OR9Q1: variants seen among roughly 807,000 people sequenced by gnomAD.
The protein encoded by OR9Q1 is olfactory receptor 9Q1.
For synonymous variants in OR9Q1, 153 were observed against 148.6 expected (o/e 1.03, Z -0.22); for missense variants, 374 against 378.8 (o/e 0.99, Z 0.11).
intron 1 of OR9Q1, among the ~76,000 whole-genome samples, chr11:58,054,139 T>C (rs910758065): frequency 1.3e-5 from 2 of 152,156 alleles, no homozygotes; most frequent in African/African-American, 4.8e-5. Context: ...TATACCTGAA[T>C]AAAGCTGAAA....
At chr11:58,037,231 A>G (rs1454935865) in intron 1 of OR9Q1, among the ~76,000 whole-genome samples, 1 of 152,180 alleles carries the variant, frequency 6.6e-6, no homozygotes, top group African/African-American at 2.4e-5. Flanking sequence ...GTATTTTTAA[A>G]ATTAAGGTAT....
At chr11:58,113,490 ACT>A (rs1202553528) in intron 2 of OR9Q1, among the ~76,000 whole-genome samples, 1 of 151,960 alleles carries the variant, frequency 6.6e-6, no homozygotes, top group Admixed American at 6.6e-5. Flanking sequence ...CCCTCATTGT[ACT>A]CTCTCTTCCT....
intron 2 of OR9Q1, among the ~76,000 whole-genome samples, chr11:58,060,379 G>A (rs1235669292): frequency 6.6e-6 from 1 of 152,168 alleles, no homozygotes; most frequent in Non-Finnish European, 1.5e-5. Context: ...AGAAACACAA[G>A]TAAAGCAAAA....
At chr11:58,132,558 T>C (rs1273096968) in intron 2 of OR9Q1, among the ~76,000 whole-genome samples, 1 of 152,176 alleles carries the variant, frequency 6.6e-6, no homozygotes, top group Admixed American at 6.5e-5. Context: ...TAATTAAATA[T>C]TAGCTGAATA....
At chr11:58,148,609 G>A (rs1854321537) in intron 2 of OR9Q1, among the ~76,000 whole-genome samples, 1 of 152,252 alleles carries the variant, frequency 6.6e-6, no homozygotes, top group East Asian at 1.9e-4. Flanking sequence ...TGGTGGCTAT[G>A]GGGCTAAAGG....
chr11:58,109,424 G>T (rs1452581213), intron 2 of OR9Q1: 1 of 459,598 alleles, frequency 2.2e-6, no homozygotes, highest in Non-Finnish European at 4.4e-6. Context: ...GCCAGAATCT[G>T]AGGGGTGATT....
intron 2 of OR9Q1, among the ~76,000 whole-genome samples, chr11:58,178,110 T>G (rs1025529448): frequency 8.5e-5 from 13 of 152,096 alleles, no homozygotes; most frequent in Admixed American, 8.5e-4. Flanking sequence ...GTATCAGGAT[T>G]TAGAAGCAAG....
chr11:58,146,801 G>A (rs1854303265), intron 2 of OR9Q1, among the ~76,000 whole-genome samples: 1 of 152,172 alleles, frequency 6.6e-6, no homozygotes, highest in Non-Finnish European at 1.5e-5. Flanking sequence ...AAATGCAAAG[G>A]TCTGTGAAAT....
At chr11:58,169,474 C>T (rs1031105687) in intron 2 of OR9Q1, among the ~76,000 whole-genome samples, 1 of 152,050 alleles carries the variant, frequency 6.6e-6, no homozygotes, top group African/African-American at 2.4e-5. Flanking sequence ...CCCCTGGTGG[C>T]ATTTTTTGCT....
chr11:58,116,360 G>T (rs1853954766), intron 2 of OR9Q1, among the ~76,000 whole-genome samples: 1 of 152,174 alleles, frequency 6.6e-6, no homozygotes, highest in African/African-American at 2.4e-5. Context: ...AGTTTCTCCA[G>T]TGTGTATAGC....
intron 2 of OR9Q1, among the ~76,000 whole-genome samples, chr11:58,091,447 T>C (rs899775061): frequency 6.6e-6 from 1 of 152,134 alleles, no homozygotes; most frequent in South Asian, 2.1e-4. Flanking sequence ...CATGTAGTTG[T>C]GTGGTTTTGA....
In OR9Q1 at chr11:58,087,223, A is replaced by G. The variant is rs1052907530; in HGVS notation, c.-15+31276A>G. Among the ~76,000 whole-genome samples the G allele has an allele frequency of 7.2e-5, 11 of 151,790 alleles. 1 individual carries two copies. The highest frequency in any genetic ancestry group is 1.3e-4 in the Non-Finnish European group (9 of 67,996). On this transcript the variant is annotated intron_variant, in intron 2 of 2. Transcript: ENST00000335397. The stretch of plus-strand genomic sequence containing the variant: ...ATTCAGAAAAATTCATATCTATATG[A>G]ATTTTTACAAATTTAATGCATCTAA...
At chr11:58,176,280 T>G (rs1854606014) in intron 2 of OR9Q1, among the ~76,000 whole-genome samples, 1 of 152,236 alleles carries the variant, frequency 6.6e-6, no homozygotes, top group Non-Finnish European at 1.5e-5. Flanking sequence ...GAACTAGGAT[T>G]CAGGCCTTTT....
rs1257285753 is a variant in OR9Q1 at position 58,179,618 on chromosome 11, A to G, written c.174A>G (p.Pro58=). 1 of 1,613,230 alleles carries G rather than the reference A, an allele frequency of 6.2e-7. No homozygotes were observed. The highest frequency in any genetic ancestry group is 8.5e-7 in the Non-Finnish European group (1 of 1,179,486). The change falls in exon 3 of 3, where the codon CCA becomes CCG. Residue 58 remains proline, a synonymous_variant. Transcript: ENST00000335397. ...LILMDHQLHA[P]MYFLLSHLAF... is the part of the protein sequence containing the mutation. ...TCATGGATCACCAGCTCCACGCTCC[A>G]ATGTATTTCCTTCTGAGTCACCTCG...
At chr11:58,139,687 T>A (rs1170249279) in intron 2 of OR9Q1, among the ~76,000 whole-genome samples, 3 of 152,180 alleles carry the variant, frequency 2.0e-5, no homozygotes, top group African/African-American at 7.2e-5. Flanking sequence ...CTATCATTGT[T>A]GGACATTTGG....
At chr11:58,163,406 C>G (rs1854473736) in intron 2 of OR9Q1, among the ~76,000 whole-genome samples, 1 of 152,226 alleles carries the variant, frequency 6.6e-6, no homozygotes, top group South Asian at 2.1e-4. Context: ...CCTGGCTCCA[C>G]CTTTGTCAAA....
chr11:58,166,960 C>T (rs1178821922), intron 2 of OR9Q1, among the ~76,000 whole-genome samples: 2 of 152,150 alleles, frequency 1.3e-5, no homozygotes, highest in Non-Finnish European at 2.9e-5. Flanking sequence ...GTATCCATCA[C>T]CTGAACAACA....
chr11:58,037,442 C>T (rs185023275), intron 1 of OR9Q1, among the ~76,000 whole-genome samples: 1 of 151,584 alleles, frequency 6.6e-6, no homozygotes, highest in East Asian at 1.9e-4. Context: ...TAGATATGAA[C>T]ACAAAATGAG....
At chr11:58,143,190 CT>C (rs1394750030) in intron 2 of OR9Q1, among the ~76,000 whole-genome samples, 1 of 152,150 alleles carries the variant, frequency 6.6e-6, no homozygotes, top group Non-Finnish European at 1.5e-5. Context: ...AAAAATAATT[CT>C]AAGTGTGTGT....
Sources: gnomAD v4.1 joint callset for allele counts (sites outside exome capture counted in the v4.1 genomes callset) on GRCh38, gnomAD v4.1.1 for gene constraint, MANE v1.5 for transcripts, NCBI Gene and HGNC (gene_info 2026-07-23, HGNC 2026-07-21) for gene names.